The following SLC45A4 variants were observed in gnomAD, a reference collection of about 807,000 sequenced individuals.
The protein encoded by SLC45A4 is polyamine-transporter SLC45A4.
SLC45A4 carries 32 observed loss-of-function variants against 63.7 expected under a neutral mutation model. The ratio of observed to expected loss-of-function variants is 0.50; its 90% CI spans 0.38 to 0.67. SLC45A4 has a LOEUF of 0.67. Ranked by LOEUF, SLC45A4 falls within the 30% of genes least tolerant of loss-of-function variation. The probability of loss-of-function intolerance (pLI) is 0.00; values close to 1 mark genes in which losing one functional copy is unlikely to be tolerated. For missense variants in SLC45A4, 1,027 were observed against 1,157.7 expected, an observed-to-expected ratio of 0.89 and a Z score of 1.64; for synonymous variants, 535 against 510.0, an observed-to-expected ratio of 1.05 and a Z score of -0.66.
intron 1 of SLC45A4, among the ~76,000 whole-genome samples, chr8:141,261,150 A>C (rs1197064500): frequency 6.6e-6 from 1 of 152,258 alleles, no homozygotes; most frequent in African/African-American, 2.4e-5. Context: ...ATAGACGCAG[A>C]AAAGGCCTTT....
intron 1 of SLC45A4, among the ~76,000 whole-genome samples, chr8:141,271,666 A>T (rs1449360522): frequency 2.6e-5 from 4 of 152,164 alleles, no homozygotes; most frequent in Non-Finnish European, 5.9e-5. Flanking sequence ...CTATCCCCCA[A>T]ACAACTGGCA....
Position 141,218,277 on chromosome 8 carries a change from T to C in SLC45A4, c.1363A>G (p.Met455Val). Residue 455 changes from methionine to valine, a missense_variant, in exon 5 of 9, where the codon ATG becomes GTG. Met to Val is a conservative substitution (Grantham distance 21). Coordinates refer to ENST00000517878, the MANE Select transcript of SLC45A4 (RefSeq NM_001286646.2). ...TTCTGCATGTCGTACAGGTCGCTCA[T>C]GCTGCGCGACGGCTTGATCAGCACC... ...AVVLIKPSRS[M>V]SDLYDMQKRQ... The C allele has an allele frequency of 1.2e-6, 2 of 1,604,198 alleles. No homozygotes were observed. Among genetic ancestry groups the C allele is most frequent in the Non-Finnish European group, 1.7e-6 (2 of 1,179,810 alleles).
intron 1 of SLC45A4, among the ~76,000 whole-genome samples, chr8:141,284,579 A>G (rs953499337): frequency 6.6e-6 from 1 of 152,226 alleles, no homozygotes; most frequent in Admixed American, 6.5e-5. Flanking sequence ...TCCTATTCTG[A>G]AATGGAATAC....
intron 3 of SLC45A4, among the ~76,000 whole-genome samples, chr8:141,220,614 G>T (rs368212472): frequency 6.6e-6 from 1 of 152,234 alleles, no homozygotes; most frequent in Non-Finnish European, 1.5e-5. Context: ...GCCAGAGCCC[G>T]GGACCCAGGC....
chr8:141,216,583 T>TC (rs962045901), intron 6 of SLC45A4, among the ~76,000 whole-genome samples: 6 of 152,196 alleles, frequency 3.9e-5, no homozygotes, highest in Non-Finnish European at 7.3e-5. Context: ...AAGCTGGCCT[T>TC]CCCCATGTTC....
intron 2 of SLC45A4, among the ~76,000 whole-genome samples, chr8:141,245,729 A>T (rs1828156460): frequency 6.6e-6 from 1 of 152,156 alleles, no homozygotes; most frequent in Admixed American, 6.5e-5. Flanking sequence ...CCAGGAGTCA[A>T]GGGCAGGGGG....
chr8:141,232,219 G>A (rs1827391658), intron 2 of SLC45A4, among the ~76,000 whole-genome samples: 1 of 152,256 alleles, frequency 6.6e-6, no homozygotes, highest in African/African-American at 2.4e-5. Flanking sequence ...ATGGGGCCGG[G>A]GAACCTCAAC....
intron 1 of SLC45A4, among the ~76,000 whole-genome samples, chr8:141,267,084 C>T (rs1321891167): frequency 6.6e-6 from 1 of 152,266 alleles, no homozygotes; most frequent in Admixed American, 6.5e-5. Flanking sequence ...CAGGACGGGG[C>T]AGGTGACCTG....
chr8:141,268,080 A>G (rs1441867888), intron 1 of SLC45A4, among the ~76,000 whole-genome samples: 1 of 152,202 alleles, frequency 6.6e-6, no homozygotes, highest in Non-Finnish European at 1.5e-5. Flanking sequence ...TGTGTAGGTG[A>G]CTGAATAAAC....
rs376188175 is a variant in SLC45A4, at chr8:141,219,012, C to T, written c.628G>A (p.Gly210Ser). 3.0e-5 allele frequency: 49 copies of T among 1,611,138 alleles called. No individual in the cohort carries two copies. The highest frequency in any genetic ancestry group is 4.4e-5 in the South Asian group (4 of 91,010). ...AFSAGLGGAIGYVLGGLDWTQ... is the reference protein window; with the variant it reads ...AFSAGLGGAISYVLGGLDWTQ... ...CAGTCCAGCCCACCCAGCACGTAGC[C>T]GATGGCTCCGCCGAGGCCTGCGTGG... is the stretch of plus-strand genomic sequence containing the variant. Residue 210 changes from glycine to serine, a missense_variant, in exon 5 of 9, where the codon GGC (glycine) becomes AGC (serine). Transcript: ENST00000517878.
chr8:141,244,097 C>T lies in SLC45A4; in HGVS notation c.241+9892G>A, dbSNP rs569527458. On this transcript the variant is annotated intron_variant, in intron 2 of 8. Coordinates refer to ENST00000517878, the MANE Select transcript of SLC45A4 (RefSeq NM_001286646.2). ...TACCCAACTGCCCTCCCAATCAACT[C>T]GGCTACTTGGGAGACTGCGCCCCTA... 8.5e-5 allele frequency among the ~76,000 whole-genome samples: 13 copies of T among 152,270 alleles called. No homozygotes were observed. The South Asian group carries it at 1.0e-3, about 12-fold the overall frequency.
At chr8:141,230,737 G>GC (rs1195886475) in intron 2 of SLC45A4, among the ~76,000 whole-genome samples, 1 of 152,250 alleles carries the variant, frequency 6.6e-6, no homozygotes, top group Non-Finnish European at 1.5e-5. Context: ...AAAGTCTCCT[G>GC]CCCAGGGAAG....
intron 2 of SLC45A4, among the ~76,000 whole-genome samples, chr8:141,250,867 T>C (rs1407577231): frequency 6.6e-6 from 1 of 152,196 alleles, no homozygotes; most frequent in Non-Finnish European, 1.5e-5. Flanking sequence ...TATACAAGTC[T>C]TATGTAATAA....
At chr8:141,298,672 G>C (rs527289089) in intron 1 of SLC45A4, among the ~76,000 whole-genome samples, 4 of 152,316 alleles carry the variant, frequency 2.6e-5, no homozygotes, top group Admixed American at 2.6e-4. Context: ...GCTGGGCACA[G>C]CTGCCCATAC....
At chr8:141,242,058 A>G (rs1436259227) in intron 2 of SLC45A4, among the ~76,000 whole-genome samples, 2 of 152,200 alleles carry the variant, frequency 1.3e-5, no homozygotes, top group African/African-American at 4.8e-5. Context: ...GCCTATCCTC[A>G]AGCTCCCTGC....
intron 7 of SLC45A4, among the ~76,000 whole-genome samples, chr8:141,214,623 T>C (rs1009493512): frequency 7.2e-5 from 11 of 152,230 alleles, no homozygotes; most frequent in Admixed American, 4.6e-4. Flanking sequence ...TGGTTGAGAA[T>C]AGCCAAGACA....
Position 141,235,610 on chromosome 8 carries a change from G to A in SLC45A4, c.242-13845C>T, listed in dbSNP as rs188545597. 4.0e-3 allele frequency among the ~76,000 whole-genome samples: 613 copies of A among 152,350 alleles called. 3 individuals are homozygous for A. Among genetic ancestry groups the A allele is most frequent in the South Asian group, 7.5e-3 (36 of 4,832 alleles). On this transcript the variant is annotated intron_variant, in intron 2 of 8. Transcript: ENST00000517878. ...GCAGAGAATGGGGAACTGTTTCAGA[G>A]CTTAGGTGTCAGGCCCTGGGTTTAC...
intron 1 of SLC45A4, among the ~76,000 whole-genome samples, chr8:141,263,279 G>A (rs942625520): frequency 6.6e-6 from 1 of 151,742 alleles, no homozygotes; most frequent in East Asian, 1.9e-4. Flanking sequence ...ACGAGTTAAT[G>A]GGTGCAGCAC....
At chr8:141,264,692 AG>A (rs1160330300) in intron 1 of SLC45A4, among the ~76,000 whole-genome samples, 1 of 152,182 alleles carries the variant, frequency 6.6e-6, no homozygotes, top group Non-Finnish European at 1.5e-5. Context: ...CACCTGTCCA[AG>A]TCCACCCTGA....
Sources: allele counts gnomAD v4.1 joint callset (sites outside exome capture counted in the v4.1 genomes callset), GRCh38; gene constraint gnomAD v4.1.1; transcripts MANE v1.5; gene names NCBI Gene and HGNC (gene_info 2026-07-23, HGNC 2026-07-21).